Variants in P4HA2 observed in about 807,000 individuals in gnomAD.
P4HA2 encodes prolyl 4-hydroxylase subunit alpha-2.
Under a neutral mutation model 76.9 loss-of-function variants are expected in P4HA2, and 46 were observed. The ratio of observed to expected loss-of-function variants is 0.60; its 90% CI spans 0.47 to 0.76. P4HA2 has a LOEUF of 0.76. Ranked by LOEUF, P4HA2 falls within the 30% of genes least tolerant of loss-of-function variation. The probability of loss-of-function intolerance (pLI) is 0.00; values close to 1 mark genes in which losing one functional copy is unlikely to be tolerated. For missense variants in P4HA2, 583 were observed against 669.4 expected, an observed-to-expected ratio of 0.87 and a Z score of 1.42; for synonymous variants, 243 against 254.0, an observed-to-expected ratio of 0.96 and a Z score of 0.41.
intron 2 of P4HA2, among the ~76,000 whole-genome samples, chr5:132,218,144 G>A (rs1170720829): frequency 1.3e-5 from 2 of 152,182 alleles, no homozygotes; most frequent in African/African-American, 4.8e-5. Context: ...AGCTGGTCAT[G>A]ACACTGGGGC....
chr5:132,199,246 A>G (rs763865448), intron 10 of P4HA2, among the ~76,000 whole-genome samples: 18 of 152,266 alleles, frequency 1.2e-4, no homozygotes, highest in Non-Finnish European at 2.5e-4. Context: ...CAAAGGGAAC[A>G]CTGCTTGAGG....
In P4HA2 at chr5:132,191,378, GGCGGGCGCCTGTA is replaced by G. The variant is rs1749901041; in HGVS notation, c.*1619_*1631del. 6.6e-6 allele frequency among the ~76,000 whole-genome samples: 1 copy of G among 150,778 alleles called. No individual in the cohort carries two copies. Among genetic ancestry groups the G allele is most frequent in the Non-Finnish European group, 1.5e-5 (1 of 67,262 alleles). ...ATACAAAAAATTAGCCGGGCGTAGT[GGCGGGCGCCTGTA>G]GTCCCAGCTACTTGGGAGGCTGAGG... On this transcript the variant is annotated 3_prime_UTR_variant, in exon 15 of 15. Transcript: ENST00000360568.
chr5:132,218,868 G>C (rs1754273660), intron 1 of P4HA2, among the ~76,000 whole-genome samples: 1 of 152,206 alleles, frequency 6.6e-6, no homozygotes, highest in South Asian at 2.1e-4. Context: ...CACGTGCCCT[G>C]CGGAGAGAGC....
chr5:132,195,931 G>T (rs779490590), intron 12 of P4HA2, among the ~76,000 whole-genome samples: 6 of 152,166 alleles, frequency 3.9e-5, no homozygotes, highest in Non-Finnish European at 7.3e-5. Context: ...GTAGTTTGCT[G>T]CTCTAGTCAG....
chr5:132,210,331 C>A lies in P4HA2; in HGVS notation c.662G>T (p.Gly221Val). 6.2e-7 allele frequency: 1 copy of A among 1,614,078 alleles called. No individual in the cohort carries two copies. The highest frequency in any genetic ancestry group is 8.5e-7 in the Non-Finnish European group (1 of 1,180,008). ...DYLSYAVFQL[G>V]DLHRALELTR... ...GAGCTCCAGGGCACGGTGCAGATCACCCAACTGGAAGACAGCATAGCTGAG... is the reference window on the plus strand; with the variant it reads ...GAGCTCCAGGGCACGGTGCAGATCAACCAACTGGAAGACAGCATAGCTGAG... The change falls in exon 6 of 15, where the codon GGT becomes GTT. Residue 221 changes from glycine to valine, a missense_variant. Gly to Val is a moderately radical substitution (Grantham distance 109). Coordinates refer to ENST00000360568, the MANE Select transcript of P4HA2 (RefSeq NM_001017974.2).
In P4HA2 at chr5:132,191,381, G is replaced by A. The variant is rs1159731322; in HGVS notation, c.*1629C>T. On this transcript the variant is annotated 3_prime_UTR_variant, in exon 15 of 15. Coordinates refer to ENST00000360568, the MANE Select transcript of P4HA2 (RefSeq NM_001017974.2). ...CAAAAAATTAGCCGGGCGTAGTGGC[G>A]GGCGCCTGTAGTCCCAGCTACTTGG... Among the ~76,000 whole-genome samples, 10 of 150,630 alleles carry A rather than the reference G, an allele frequency of 6.6e-5. No homozygotes were observed. The highest frequency in any genetic ancestry group is 1.5e-4 in the African/African-American group (6 of 41,230).
chr5:132,205,569 A>G (rs572006630), intron 8 of P4HA2, among the ~76,000 whole-genome samples: 24 of 152,228 alleles, frequency 1.6e-4, no homozygotes, highest in Non-Finnish European at 2.8e-4. Flanking sequence ...AGGCCACGAC[A>G]GAGGTCAGGG....
chr5:132,193,328 C>A, intron 14 of P4HA2: 21 of 324,106 alleles, frequency 6.5e-5, no homozygotes, highest in East Asian at 1.6e-4. Context: ...CACCCAAGGG[C>A]ATCTAATCAT....
At chr5:132,213,607 G>C (rs1239421332) in intron 5 of P4HA2, among the ~76,000 whole-genome samples, 1 of 152,222 alleles carries the variant, frequency 6.6e-6, no homozygotes, top group Non-Finnish European at 1.5e-5. Flanking sequence ...TGGGAGACAA[G>C]AAGCAGGTCT....
At chr5:132,203,491 A>G (rs956365047) in intron 10 of P4HA2, 17 of 485,816 alleles carry the variant, frequency 3.5e-5, no homozygotes, top group Non-Finnish European at 6.4e-5. Context: ...CGAACCTACC[A>G]TAACTACCCC....
At chr5:132,197,680 C>CTTGAGG (rs1750856588) in intron 12 of P4HA2, among the ~76,000 whole-genome samples, 1 of 148,204 alleles carries the variant, frequency 6.7e-6, no homozygotes, top group African/African-American at 2.5e-5. Flanking sequence ...ACCTTGAGGA[C>CTTGAGG]ATTATGCACC....
intron 7 of P4HA2, among the ~76,000 whole-genome samples, chr5:132,208,485 C>G (rs1189930047): frequency 7.1e-6 from 1 of 141,684 alleles, no homozygotes; most frequent in Non-Finnish European, 1.5e-5. Context: ...TTCAGCTTAA[C>G]TGGCATGAAA....
chr5:132,214,186 C>T, intron 4 of P4HA2, 133 bp from the exon 5 acceptor site: 1 of 812,376 alleles, frequency 1.2e-6, no homozygotes, highest in Non-Finnish European at 1.9e-6. Context: ...AAGGCTGTTG[C>T]CCCCTTCCAC....
intron 4 of P4HA2, 83 bp from the exon 5 acceptor site, chr5:132,214,136 A>G: frequency 7.1e-7 from 1 of 1,414,040 alleles, no homozygotes; most frequent in East Asian, 2.3e-5. Context: ...AGCCACAAAG[A>G]GGGTCTCTGG....
chr5:132,201,744 A>C (rs984249435), intron 10 of P4HA2: 62 of 152,254 alleles, frequency 4.1e-4, no homozygotes, highest in African/African-American at 1.4e-3. Context: ...GAGAGGCCAG[A>C]CAAGATAAAG....
intron 1 of P4HA2, among the ~76,000 whole-genome samples, chr5:132,225,190 T>C (rs879529965): frequency 6.6e-6 from 1 of 152,196 alleles, no homozygotes; most frequent in Admixed American, 6.5e-5. Flanking sequence ...AATGTCCAAA[T>C]TGCTAGATGT....
chr5:132,207,707 C>T lies in P4HA2; in HGVS notation c.1080+1G>A. The T allele has an allele frequency of 6.2e-7, 1 of 1,613,396 alleles. No homozygotes were observed. Among genetic ancestry groups the T allele is most frequent in the Non-Finnish European group, 8.5e-7 (1 of 1,179,472 alleles). The stretch of plus-strand genomic sequence containing the variant: ...CGAGAAGGACCTACAGTGACACCTA[C>T]TTTAGGTTTTGCGATCTCCTTGATC... On this transcript the variant is annotated splice_donor_variant, in intron 8 of 14. Coordinates refer to ENST00000360568, the MANE Select transcript of P4HA2 (RefSeq NM_001017974.2). LOFTEE classifies it high-confidence loss of function.
At chr5:132,217,139 C>T (rs1319087892) in intron 4 of P4HA2, 58 bp downstream of exon 4, 2 of 1,546,454 alleles carry the variant, frequency 1.3e-6, no homozygotes, top group African/African-American at 2.7e-5. Context: ...ACACAACAAC[C>T]CAGGCATGAG....
Position 132,198,890 on chromosome 5 carries a change from C to A in P4HA2, c.1294G>T (p.Asp432Tyr). 1 of 1,611,776 alleles carries A rather than the reference C, an allele frequency of 6.2e-7. No homozygotes were observed. The highest frequency in any genetic ancestry group is 8.5e-7 in the Non-Finnish European group (1 of 1,177,850). Reference protein sequence around the residue: ...GVGGQYEPHFDFSRRPFDSGL... With the variant: ...GVGGQYEPHFYFSRRPFDSGL... ...GATTTAGGCCTTACCCTAGAGAAGTCGAAGTGCGGTTCATACTGTCCTCCC... is the reference window on the plus strand; with the variant it reads ...GATTTAGGCCTTACCCTAGAGAAGTAGAAGTGCGGTTCATACTGTCCTCCC... Residue 432 changes from aspartate (D) to tyrosine (Y), a missense_variant, in exon 11 of 15, where the codon GAC becomes TAC. Physicochemically the swap from Asp to Tyr is radical, Grantham distance 160. Transcript: ENST00000360568.
Sources: gnomAD v4.1 joint callset for allele counts (sites outside exome capture counted in the v4.1 genomes callset) on GRCh38, gnomAD v4.1.1 for gene constraint, MANE v1.5 for transcripts, NCBI Gene and HGNC (gene_info 2026-07-23, HGNC 2026-07-21) for gene names.